The following AKAP10 variants were observed in gnomAD, a reference collection of about 807,000 sequenced individuals.
The protein encoded by AKAP10 is A-kinase anchor protein 10, mitochondrial.
In AKAP10, 24 loss-of-function variants were observed where a neutral mutation model predicts 80.8. The observed-to-expected ratio is 0.30, with a 90% CI of 0.22 to 0.42. AKAP10 has a LOEUF of 0.42. Ranked by LOEUF, AKAP10 falls within the 10% of genes least tolerant of loss-of-function variation. The pLI is 1.00. For missense variants in AKAP10, 661 were observed against 794.9 expected (o/e 0.83, Z 2.03); for synonymous variants, 291 against 277.7 (o/e 1.05, Z -0.48).
At chr17:19,933,144 G>A (rs1272182047) in intron 9 of AKAP10, among the ~76,000 whole-genome samples, 1 of 151,936 alleles carries the variant, frequency 6.6e-6, no homozygotes, top group Admixed American at 6.6e-5. Flanking sequence ...TCAGCCTCCC[G>A]AGTAGCTGGG....
intron 10 of AKAP10, among the ~76,000 whole-genome samples, chr17:19,930,054 T>C (rs965753181): frequency 2.2e-5 from 3 of 134,716 alleles, no homozygotes; most frequent in African/African-American, 8.3e-5. Flanking sequence ...AAAACCAAAA[T>C]GGCAACCATA....
At position 19,941,018 on chromosome 17, in the gene AKAP10, T is replaced by C; in HGVS notation, c.1062-8A>G. On this transcript the variant is annotated splice_polypyrimidine_tract_variant and splice_region_variant and intron_variant, in intron 6 of 14. Transcript: ENST00000225737. ...AGAAACTCACTAAAGTGCCTGCACA[T>C]GGACAAAAGGGAAAATTTGAGGGAA... is the stretch of plus-strand genomic sequence containing the variant. 6.3e-7 allele frequency: 1 copy of C among 1,587,300 alleles called. No homozygotes were observed. Among genetic ancestry groups the C allele is most frequent in the East Asian group, 2.3e-5 (1 of 44,424 alleles).
chr17:19,957,649 T>A (rs1244046272), intron 4 of AKAP10, among the ~76,000 whole-genome samples: 2 of 152,238 alleles, frequency 1.3e-5, no homozygotes, highest in South Asian at 2.1e-4. Context: ...TGGCAATTTT[T>A]AAAAATTTTT....
intron 9 of AKAP10, among the ~76,000 whole-genome samples, chr17:19,934,687 C>G (rs1690714782): frequency 6.6e-6 from 1 of 152,168 alleles, no homozygotes; most frequent in African/African-American, 2.4e-5. Flanking sequence ...ATATTATCGT[C>G]ACTTTACAGA....
chr17:19,914,280 G>A (rs2042721232), intron 12 of AKAP10, among the ~76,000 whole-genome samples: 1 of 152,170 alleles, frequency 6.6e-6, no homozygotes, highest in Non-Finnish European at 1.5e-5. Flanking sequence ...GATTACAGGT[G>A]TGAGGCACCA....
chr17:19,954,706 G>T (rs1447381369), intron 4 of AKAP10, among the ~76,000 whole-genome samples: 1 of 151,056 alleles, frequency 6.6e-6, no homozygotes, highest in Admixed American at 6.6e-5. Context: ...CATTAGCCAG[G>T]ATGGTCTCGA....
intron 3 of AKAP10, among the ~76,000 whole-genome samples, chr17:19,962,295 TACACACACAC>T (rs36115670): frequency 3.2e-5 from 4 of 125,140 alleles, no homozygotes; most frequent in East Asian, 2.3e-4. Context: ...TACATACATA[TACACACACAC>T]ACACACACAC....
chr17:19,919,661 G>A (rs983881073), intron 12 of AKAP10, among the ~76,000 whole-genome samples: 1 of 151,234 alleles, frequency 6.6e-6, no homozygotes, highest in Non-Finnish European at 1.5e-5. Flanking sequence ...TCCGGTCTGG[G>A]TGACAGAGCA....
intron 1 of AKAP10, among the ~76,000 whole-genome samples, chr17:19,976,361 A>G (rs2043566696): frequency 6.6e-6 from 1 of 151,742 alleles, no homozygotes; most frequent in African/African-American, 2.4e-5. Flanking sequence ...GGCATGGGTA[A>G]TCCCAGCTAC....
At chr17:19,959,752 G>C (rs917246460) in intron 3 of AKAP10, among the ~76,000 whole-genome samples, 1 of 152,184 alleles carries the variant, frequency 6.6e-6, no homozygotes, top group Non-Finnish European at 1.5e-5. Flanking sequence ...TTTGTCAAAA[G>C]AGTTCTTCTT....
At chr17:19,916,721 A>T (rs531815014) in intron 12 of AKAP10, among the ~76,000 whole-genome samples, 136 of 151,032 alleles carry the variant, frequency 9.0e-4, no homozygotes, top group Non-Finnish European at 1.7e-3. Context: ...GCGGATCACG[A>T]CATCAGGAGA....
chr17:19,930,509 G>A (rs566465116), intron 10 of AKAP10, among the ~76,000 whole-genome samples: 44 of 152,152 alleles, frequency 2.9e-4, no homozygotes, highest in African/African-American at 8.9e-4. Flanking sequence ...AACATTATAG[G>A]TAGTGGTTCA....
chr17:19,953,743 A>G (rs971751443), intron 4 of AKAP10, among the ~76,000 whole-genome samples: 1 of 152,224 alleles, frequency 6.6e-6, no homozygotes, highest in African/African-American at 2.4e-5. Flanking sequence ...AGAAAACCCT[A>G]GGCCCCTGCC....
intron 2 of AKAP10, among the ~76,000 whole-genome samples, chr17:19,963,896 C>CAAA (rs568877131): frequency 7.8e-6 from 1 of 128,696 alleles, no homozygotes; most frequent in African/African-American, 2.9e-5. Context: ...AACTCCATCT[C>CAAA]AAAAAAAAAA....
At chr17:19,959,294 A>G (rs942385990) in intron 3 of AKAP10, among the ~76,000 whole-genome samples, 11 of 152,250 alleles carry the variant, frequency 7.2e-5, no homozygotes, top group Non-Finnish European at 8.8e-5. Flanking sequence ...CTGTCAAATT[A>G]GATTTTTTTC....
intron 13 of AKAP10, 30 bp downstream of exon 13, chr17:19,909,895 GA>G (rs748921419): frequency 1.2e-6 from 2 of 1,608,066 alleles, no homozygotes; most frequent in African/African-American, 2.7e-5. Context: ...CTTATAAACA[GA>G]AATCTTTTTA....
chr17:19,931,491 A>G (rs528900388), intron 10 of AKAP10, among the ~76,000 whole-genome samples: 2 of 151,622 alleles, frequency 1.3e-5, no homozygotes, highest in South Asian at 4.2e-4. Flanking sequence ...CCTGGGTTCA[A>G]GCGATTCTCC....
intron 4 of AKAP10, among the ~76,000 whole-genome samples, chr17:19,950,581 G>A (rs2043189850): frequency 6.6e-6 from 1 of 152,264 alleles, no homozygotes. Context: ...GAGGTGCCAG[G>A]ATTGCAGACG....
Position 19,948,134 on chromosome 17 carries a change from A to G in AKAP10, c.878-629T>C, listed in dbSNP as rs569293064. Among the ~76,000 whole-genome samples the G allele has an allele frequency of 1.3e-4, 20 of 152,310 alleles. 1 individual carries two copies. Among genetic ancestry groups the G allele is most frequent in the African/African-American group, 4.1e-4 (17 of 41,550 alleles). ...TCCGTTGATTTGATATGAAATCCTAATAAGTATGTCAAGATGAAATAAGCA... is the reference window on the plus strand; with the variant it reads ...TCCGTTGATTTGATATGAAATCCTAGTAAGTATGTCAAGATGAAATAAGCA... On this transcript the variant is annotated intron_variant, in intron 4 of 14. Transcript: ENST00000225737.
Sources: allele counts gnomAD v4.1 joint callset (sites outside exome capture counted in the v4.1 genomes callset), GRCh38; gene constraint gnomAD v4.1.1; transcripts MANE v1.5; gene names NCBI Gene and HGNC (gene_info 2026-07-23, HGNC 2026-07-21).